The following CNTNAP2 variants were observed in gnomAD, a reference collection of about 807,000 sequenced individuals.
CNTNAP2 encodes contactin associated protein 2.
In CNTNAP2, 98 loss-of-function variants were observed where a neutral mutation model predicts 155.2. The observed-to-expected ratio is 0.63, with a 90% CI of 0.54 to 0.75. The LOEUF is 0.75. CNTNAP2 is among the 30% of genes least tolerant of loss of function. The pLI is 0.00. For missense variants in CNTNAP2, 1,727 were observed against 1,688.1 expected (o/e 1.02, Z -0.40); for synonymous variants, 651 against 631.2 (o/e 1.03, Z -0.47).
intron 1 of CNTNAP2, among the ~76,000 whole-genome samples, chr7:146,131,923 A>T (rs1797720378): frequency 6.6e-6 from 1 of 151,620 alleles, no homozygotes; most frequent in Non-Finnish European, 1.5e-5. Flanking sequence ...GCTCGAATTT[A>T]CTCTCTCCTG....
At chr7:147,836,750 A>C (rs1468128409) in intron 13 of CNTNAP2, among the ~76,000 whole-genome samples, 2 of 152,324 alleles carry the variant, frequency 1.3e-5, no homozygotes, top group Non-Finnish European at 2.9e-5. Context: ...GCCACTCATA[A>C]ATATTTGGAA....
In CNTNAP2 at chr7:147,498,111, G is replaced by C. The variant is rs118000530; in HGVS notation, c.1777+12070G>C. Reference sequence around the variant, plus strand: ...AGACAGCAGTACTTGCTGCTTGGTTGTTAGTATAGGTGTCTACTCCTGTGT... The same window carrying C: ...AGACAGCAGTACTTGCTGCTTGGTTCTTAGTATAGGTGTCTACTCCTGTGT... On this transcript the variant is annotated intron_variant, in intron 11 of 23. Transcript: ENST00000361727. Among the ~76,000 whole-genome samples, 619 of 149,610 alleles carry C rather than the reference G, an allele frequency of 4.1e-3. 1 individual carries two copies. The highest frequency in any genetic ancestry group is 6.9e-3 in the Non-Finnish European group (469 of 67,692).
chr7:147,143,470 AT>A (rs1439855119), intron 8 of CNTNAP2, among the ~76,000 whole-genome samples: 2 of 152,078 alleles, frequency 1.3e-5, no homozygotes, highest in Non-Finnish European at 2.9e-5. Context: ...CATCTTCTAA[AT>A]TTTTTTAAGA....
intron 14 of CNTNAP2, among the ~76,000 whole-genome samples, chr7:147,959,582 C>A (rs2708247): frequency 0.41 from 62,736 of 151,986 alleles, 15,801 homozygotes; most frequent in Middle Eastern, 0.68. Context: ...CAACTCGGGG[C>A]AGTTCTGCAG....
intron 1 of CNTNAP2, among the ~76,000 whole-genome samples, chr7:146,362,500 C>T (rs1278056344): frequency 6.6e-6 from 1 of 152,048 alleles, no homozygotes; most frequent in African/African-American, 2.4e-5. Context: ...AGAGTGGGGT[C>T]AAGTGATTAA....
intron 10 of CNTNAP2, among the ~76,000 whole-genome samples, chr7:147,406,159 G>A (rs1246786115): frequency 6.6e-6 from 1 of 151,820 alleles, no homozygotes; most frequent in African/African-American, 2.4e-5. Context: ...TTCTCTTTTT[G>A]AGGAGTCTTT....
intron 14 of CNTNAP2, among the ~76,000 whole-genome samples, chr7:147,948,669 G>A (rs370035169): frequency 2.0e-5 from 3 of 148,314 alleles, no homozygotes; most frequent in African/African-American, 7.5e-5. Context: ...ATATATATAT[G>A]TGTGTGTGTG....
intron 8 of CNTNAP2, among the ~76,000 whole-genome samples, chr7:147,133,422 T>C (rs981033566): frequency 1.3e-4 from 20 of 152,042 alleles, no homozygotes; most frequent in Non-Finnish European, 2.1e-4. Context: ...GAGAGCTCAA[T>C]TGGGTGACCA....
intron 18 of CNTNAP2, among the ~76,000 whole-genome samples, chr7:148,202,426 G>A (rs985649981): frequency 3.9e-5 from 6 of 152,154 alleles, no homozygotes; most frequent in African/African-American, 1.4e-4. Flanking sequence ...AAACTCATTT[G>A]AGGTTGATTT....
chr7:148,282,075 G>A lies in CNTNAP2; in HGVS notation c.3475+14949G>A, dbSNP rs149202327. ...CCTGACCTCATGATCCACCCACCTC[G>A]GCCTCCTAAAGTTCTGGGATTACAG... On this transcript the variant is annotated intron_variant, in intron 21 of 23. Coordinates refer to ENST00000361727, the MANE Select transcript of CNTNAP2 (RefSeq NM_014141.6). 3.6e-3 allele frequency among the ~76,000 whole-genome samples: 540 copies of A among 151,900 alleles called. 5 individuals carry two copies. The highest frequency in any genetic ancestry group is 0.012 in the African/African-American group (507 of 41,418).
intron 1 of CNTNAP2, among the ~76,000 whole-genome samples, chr7:146,768,973 C>T (rs967461969): frequency 7.9e-5 from 12 of 152,214 alleles, no homozygotes; most frequent in Non-Finnish European, 1.5e-5. Context: ...ATAGCCAAAC[C>T]TCTCAGCCGT....
At chr7:147,899,618 C>G (rs1799830010) in intron 13 of CNTNAP2, among the ~76,000 whole-genome samples, 1 of 152,130 alleles carries the variant, frequency 6.6e-6, no homozygotes, top group Non-Finnish European at 1.5e-5. Flanking sequence ...GACGGGTTGG[C>G]TCCCACCTGT....
At chr7:147,524,220 T>A (rs775888403) in intron 11 of CNTNAP2, among the ~76,000 whole-genome samples, 1 of 152,196 alleles carries the variant, frequency 6.6e-6, no homozygotes, top group African/African-American at 2.4e-5. Flanking sequence ...CACTGCTTTG[T>A]TCAGTTGAAA....
intron 13 of CNTNAP2, among the ~76,000 whole-genome samples, chr7:147,815,513 A>T (rs1013024710): frequency 3.3e-5 from 5 of 152,088 alleles, no homozygotes; most frequent in African/African-American, 1.2e-4. Context: ...AATCTCTTTG[A>T]CTTTCTCTTC....
chr7:146,906,002 G>A (rs1684976205), intron 3 of CNTNAP2, among the ~76,000 whole-genome samples: 1 of 152,186 alleles, frequency 6.6e-6, no homozygotes, highest in Non-Finnish European at 1.5e-5. Flanking sequence ...AAGCGCAAGG[G>A]GTCAGGGAGT....
intron 9 of CNTNAP2, among the ~76,000 whole-genome samples, chr7:147,361,495 CAA>C (rs1323499925): frequency 6.6e-6 from 1 of 152,094 alleles, no homozygotes; most frequent in East Asian, 1.9e-4. Flanking sequence ...TTGTGTTAGA[CAA>C]GAGTTATGCC....
intron 12 of CNTNAP2, among the ~76,000 whole-genome samples, chr7:147,565,024 G>A (rs916280024): frequency 6.6e-6 from 1 of 152,082 alleles, no homozygotes; most frequent in Non-Finnish European, 1.5e-5. Context: ...GCTTGGCTTG[G>A]GCTATTCCAT....
At chr7:148,342,233 A>G (rs1798249251) in intron 21 of CNTNAP2, among the ~76,000 whole-genome samples, 1 of 152,176 alleles carries the variant, frequency 6.6e-6, no homozygotes, top group South Asian at 2.1e-4. Flanking sequence ...TGTCCTCAAT[A>G]AAGAGTCAGA....
intron 13 of CNTNAP2, among the ~76,000 whole-genome samples, chr7:147,689,063 C>A (rs1196474344): frequency 6.6e-5 from 10 of 151,870 alleles, no homozygotes; most frequent in Non-Finnish European, 1.0e-4. Context: ...AAAACCAGTC[C>A]TTGAATTAAA....
Sources: allele counts gnomAD v4.1 joint callset (sites outside exome capture counted in the v4.1 genomes callset), GRCh38; gene constraint gnomAD v4.1.1; transcripts MANE v1.5; gene names NCBI Gene and HGNC (gene_info 2026-07-23, HGNC 2026-07-21).